The following TMEM230 variants were observed in gnomAD, a reference collection of about 807,000 sequenced individuals.
The protein encoded by TMEM230 is transmembrane protein 230, also known as UPF0414 transmembrane protein C20orf30.
TMEM230 carries 10 observed loss-of-function variants against 15.8 expected under a neutral mutation model. That is an observed-to-expected ratio of 0.63 (90% CI 0.39 to 1.07). TMEM230 has a LOEUF of 1.07. Among genes scored for constraint, TMEM230 ranks in the 50% least tolerant of loss-of-function variants. The probability of loss-of-function intolerance (pLI) is 0.01; values close to 1 mark genes in which losing one functional copy is unlikely to be tolerated. For synonymous variants in TMEM230, 67 were observed against 76.9 expected, an observed-to-expected ratio of 0.87 and a Z score of 0.68; for missense variants, 165 against 193.3, an observed-to-expected ratio of 0.85 and a Z score of 0.87.
chr20:5,107,869 T>C (rs1250400667), intron 3 of TMEM230, among the ~76,000 whole-genome samples: 1 of 150,760 alleles, frequency 6.6e-6, no homozygotes, highest in East Asian at 1.9e-4. Flanking sequence ...TCCAGCGCTT[T>C]GGGAGGCCGA....
Position 5,084,432 on chromosome 20 carries a change from C to A in TMEM230, c.223-15083G>T, listed in dbSNP as rs1436247997. On this transcript the variant is annotated intron_variant, in intron 3 of 3. Coordinates refer to the TMEM230 transcript ENST00000612323. Reference sequence around the variant, plus strand: ...AGAGACGGGGTTTCACCATATTGGTCAGGCTGGTCTTGAACTCCTGACCTC... The same window carrying A: ...AGAGACGGGGTTTCACCATATTGGTAAGGCTGGTCTTGAACTCCTGACCTC... Among the ~76,000 whole-genome samples, 4 of 152,124 alleles carry A rather than the reference C, an allele frequency of 2.6e-5. No individual in the cohort carries two copies. In the East Asian group the frequency reaches 5.8e-4, roughly 22 times the overall value.
intron 3 of TMEM230, among the ~76,000 whole-genome samples, chr20:5,092,098 G>C (rs1386204093): frequency 6.6e-6 from 1 of 152,174 alleles, no homozygotes; most frequent in Non-Finnish European, 1.5e-5. Flanking sequence ...TGCCTCCTTT[G>C]TTTTCCTAGA....
intron 3 of TMEM230, among the ~76,000 whole-genome samples, chr20:5,069,806 T>A (rs903859330): frequency 1.8e-4 from 28 of 152,144 alleles, no homozygotes; most frequent in African/African-American, 6.3e-4. Context: ...GCCTCCAGGG[T>A]TCAAGTGATT....
chr20:5,112,834 G>A (rs2090381599), intron 1 of TMEM230, 127 bp downstream of exon 1: 1 of 1,537,440 alleles, frequency 6.5e-7, no homozygotes, highest in Non-Finnish European at 8.8e-7. Context: ...GAGGCCAACT[G>A]TGCCAGGGGG....
intron 3 of TMEM230, among the ~76,000 whole-genome samples, chr20:5,071,071 T>A (rs1235000275): frequency 6.6e-6 from 1 of 152,224 alleles, no homozygotes; most frequent in Admixed American, 6.5e-5. Flanking sequence ...ATGGAGTAGT[T>A]GTCCGAGGGT....
At chr20:5,061,851 G>C in the TMEM230 span, among the ~76,000 whole-genome samples, 1 of 152,124 alleles carries the variant, frequency 6.6e-6, no homozygotes, top group Non-Finnish European at 1.5e-5. Flanking sequence ...TCCGGAACAG[G>C]TACCTGGTGT....
intron 3 of TMEM230, among the ~76,000 whole-genome samples, chr20:5,080,571 CTT>C (rs113973297): frequency 8.3e-5 from 12 of 144,770 alleles, no homozygotes; most frequent in Non-Finnish European, 1.5e-5. Flanking sequence ...GTCTTTCTGT[CTT>C]TTTTTTTTTT....
intron 2 of TMEM230, among the ~76,000 whole-genome samples, chr20:5,110,287 GTT>G (rs113672230): frequency 6.9e-6 from 1 of 144,154 alleles, no homozygotes; most frequent in Non-Finnish European, 1.5e-5. Context: ...CTTGAACTCA[GTT>G]TTTTTTTTTT....
At chr20:5,097,969 ATTTTT>A (rs5840073), downstream of TMEM230, among the ~76,000 whole-genome samples, 9 of 67,252 alleles carry the variant, frequency 1.3e-4, no homozygotes, top group East Asian at 4.1e-3. Context: ...CTAACTCAGG[ATTTTT>A]TTTTTTTTTT....
chr20:5,067,949 C>T (rs151238768), downstream of TMEM230: 1 of 152,006 alleles, frequency 6.6e-6, no homozygotes, highest in Non-Finnish European at 1.5e-5. Flanking sequence ...TTTGTAGAGA[C>T]AAGAGATGGA....
chr20:5,070,454 T>C (rs1204978395), intron 3 of TMEM230, among the ~76,000 whole-genome samples: 2 of 152,192 alleles, frequency 1.3e-5, no homozygotes, highest in African/African-American at 2.4e-5. Context: ...GGGCCATTTG[T>C]AATGCAGAAA....
chr20:5,099,884 G>A lies in TMEM230; in HGVS notation c.*907C>T. 2 of 976,878 alleles carry A rather than the reference G, an allele frequency of 2.0e-6. No homozygotes were observed. Among genetic ancestry groups the A allele is most frequent in the Non-Finnish European group, 2.4e-6 (2 of 822,280 alleles). The allele number at this position is 976,878 out of a possible 1,614,324, so 60.5% of individuals were successfully genotyped here. ...TTAACTCATTTTATTTCTAGGATTT[G>A]GATTTCAACATTTTAATTTCTTTGG... On this transcript the variant is annotated 3_prime_UTR_variant, in exon 5 of 5. Transcript: ENST00000342308.
At chr20:5,098,466 T>C (rs2089732437), downstream of TMEM230, 1 of 152,176 alleles carries the variant, frequency 6.6e-6, no homozygotes, top group Non-Finnish European at 1.5e-5. Flanking sequence ...CAGGGTAGTA[T>C]GGCCGTAGAG....
At chr20:5,065,221 C>T (rs1265698896), downstream of TMEM230, among the ~76,000 whole-genome samples, 1 of 151,816 alleles carries the variant, frequency 6.6e-6, no homozygotes, top group Non-Finnish European at 1.5e-5. Flanking sequence ...AGTTTGAGAA[C>T]AGCCTAGGCA....
chr20:5,109,189 G>A, intron 3 of TMEM230, 143 bp downstream of exon 2: 1 of 615,702 alleles, frequency 1.6e-6, no homozygotes. Flanking sequence ...GATTATGGCT[G>A]AAAGGGTCTC....
intron 2 of TMEM230, among the ~76,000 whole-genome samples, chr20:5,110,040 G>T (rs997573170): frequency 1.1e-4 from 17 of 152,106 alleles, no homozygotes; most frequent in South Asian, 2.1e-4. Flanking sequence ...AATTTGTGGG[G>T]TTTTTTTGTT....
chr20:5,087,162 C>A (rs968633773), intron 3 of TMEM230, among the ~76,000 whole-genome samples: 8 of 152,188 alleles, frequency 5.3e-5, no homozygotes, highest in African/African-American at 1.9e-4. Flanking sequence ...GCATGAGCCG[C>A]CATGGCCGGC....
intron 3 of TMEM230, chr20:5,069,401 C>T: frequency 2.0e-6 from 3 of 1,484,926 alleles, no homozygotes; most frequent in Non-Finnish European, 2.7e-6. Flanking sequence ...GCCTCTTCAA[C>T]CCTCAAAAAA....
intron 3 of TMEM230, among the ~76,000 whole-genome samples, chr20:5,089,708 GAAAAAC>G (rs1191443929): frequency 6.6e-6 from 1 of 150,544 alleles, no homozygotes; most frequent in Admixed American, 6.6e-5. Flanking sequence ...CTTAAAAAAG[GAAAAAC>G]AAAAACAAAA....
Sources: allele counts gnomAD v4.1 joint callset (sites outside exome capture counted in the v4.1 genomes callset), GRCh38; gene constraint gnomAD v4.1.1; transcripts MANE v1.5; gene names NCBI Gene and HGNC (gene_info 2026-07-23, HGNC 2026-07-21).